The following PEX5L variants were observed in gnomAD, a reference collection of about 807,000 sequenced individuals.
The protein encoded by PEX5L is peroxisomal biogenesis factor 5 like, also known as PEX5-related protein.
PEX5L carries 30 observed loss-of-function variants against 84.0 expected under a neutral mutation model. The ratio of observed to expected loss-of-function variants is 0.36; its 90% CI spans 0.27 to 0.48. The LOEUF (loss-of-function observed/expected upper bound fraction) is 0.48, where lower values mean the gene tolerates loss of function less well. Among genes scored for constraint, PEX5L ranks in the 20% least tolerant of loss-of-function variants. The pLI, the probability that PEX5L is intolerant of heterozygous loss-of-function variation, is 0.99. For missense variants in PEX5L, 533 were observed against 754.6 expected, an observed-to-expected ratio of 0.71 and a Z score of 3.44; for synonymous variants, 270 against 283.1, an observed-to-expected ratio of 0.95 and a Z score of 0.46.
intron 14 of PEX5L, among the ~76,000 whole-genome samples, chr3:179,803,062 T>A (rs972580778): frequency 6.6e-6 from 1 of 152,218 alleles, no homozygotes; most frequent in Non-Finnish European, 1.5e-5. Context: ...AAAGCTAATA[T>A]GTTATTTGAT....
intron 2 of PEX5L, among the ~76,000 whole-genome samples, chr3:179,915,203 C>CA (rs1766604926): frequency 6.6e-6 from 1 of 152,074 alleles, no homozygotes; most frequent in African/African-American, 2.4e-5. Context: ...TAAAAATCCA[C>CA]AAAAAACTTT....
At chr3:180,001,958 G>A (rs1788460893) in intron 1 of PEX5L, among the ~76,000 whole-genome samples, 1 of 152,054 alleles carries the variant, frequency 6.6e-6, no homozygotes, top group South Asian at 2.1e-4. Flanking sequence ...GTTAGCTGGG[G>A]TTGTCGTTAT....
In PEX5L at chr3:179,795,065, T is replaced by C. The variant is rs1694872893; in HGVS notation, c.*6763A>G. On this transcript the variant is annotated 3_prime_UTR_variant, in exon 15 of 15. Transcript: ENST00000467460. ...AAGGAGGAAGATTTTTAAAGTTTTGTTTTATATCCAAAAATGCATTCCTGA... is the reference window on the plus strand; with the variant it reads ...AAGGAGGAAGATTTTTAAAGTTTTGCTTTATATCCAAAAATGCATTCCTGA... The C allele has an allele frequency of 1.3e-5, 2 of 152,330 alleles. No individual in the cohort carries two copies. The highest frequency in any genetic ancestry group is 2.9e-5 in the Non-Finnish European group (2 of 68,022). The allele number at this position is 152,330 out of a possible 1,614,324, so 9.4% of individuals were successfully genotyped here.
chr3:179,997,120 C>G (rs973326321), intron 1 of PEX5L, among the ~76,000 whole-genome samples: 1 of 152,172 alleles, frequency 6.6e-6, no homozygotes, highest in African/African-American at 2.4e-5. Context: ...ACATCACCAA[C>G]AATTTATGCT....
At chr3:179,918,064 G>A (rs186176886) in intron 2 of PEX5L, among the ~76,000 whole-genome samples, 53 of 152,318 alleles carry the variant, frequency 3.5e-4, no homozygotes, top group African/African-American at 1.3e-3. Context: ...GACACAGAGA[G>A]GTTACCTGGG....
Position 179,986,551 on chromosome 3 carries a change from C to T in PEX5L, c.22-14886G>A, listed in dbSNP as rs888479979. ...CCGAGTAGCTGGGACTACAGGCGCC[C>T]GCCACCACGCCCGGCTAATTTTTTG... On this transcript the variant is annotated intron_variant, in intron 1 of 14. Coordinates refer to ENST00000467460, the MANE Select transcript of PEX5L (RefSeq NM_016559.3). 3.3e-5 allele frequency among the ~76,000 whole-genome samples: 5 copies of T among 151,840 alleles called. No homozygotes were observed. The East Asian group carries it at 5.8e-4, about 18-fold the overall frequency.
intron 1 of PEX5L, among the ~76,000 whole-genome samples, chr3:180,028,975 C>T (rs914647447): frequency 8.5e-5 from 13 of 152,236 alleles, no homozygotes; most frequent in Non-Finnish European, 1.8e-4. Context: ...TTTAGGCTGT[C>T]TGAATAGGTA....
chr3:179,976,421 A>G (rs1785793415), intron 1 of PEX5L, among the ~76,000 whole-genome samples: 1 of 152,036 alleles, frequency 6.6e-6, no homozygotes, highest in African/African-American at 2.4e-5. Flanking sequence ...TCCCTTAGGA[A>G]ATCTTTCTTT....
chr3:179,875,349 C>T lies in PEX5L; in HGVS notation c.629+5G>A. 6.2e-7 allele frequency: 1 copy of T among 1,613,794 alleles called. No homozygotes were observed. Among genetic ancestry groups the T allele is most frequent in the Non-Finnish European group, 8.5e-7 (1 of 1,179,784 alleles). On this transcript the variant is annotated splice_donor_5th_base_variant and intron_variant, in intron 6 of 14. Transcript: ENST00000467460. The stretch of plus-strand genomic sequence containing the variant: ...TGGCCGTTTTCTGGTATTAAAATAC[C>T]TTACCATAAGAGCTCTTTTGATCCA...
intron 11 of PEX5L, among the ~76,000 whole-genome samples, 200 bp downstream of exon 11, chr3:179,811,601 T>C (rs1217018194): frequency 6.6e-6 from 1 of 152,222 alleles, no homozygotes; most frequent in Non-Finnish European, 1.5e-5. Context: ...GATTTGTAGA[T>C]AGTAAGACAT....
intron 1 of PEX5L, among the ~76,000 whole-genome samples, chr3:180,031,971 A>C (rs1791505743): frequency 6.6e-6 from 1 of 152,258 alleles, no homozygotes; most frequent in African/African-American, 2.4e-5. Flanking sequence ...CCACAAATAA[A>C]ATCTACAAAG....
intron 2 of PEX5L, among the ~76,000 whole-genome samples, chr3:179,937,302 CA>C (rs1774872463): frequency 6.6e-6 from 1 of 151,988 alleles, no homozygotes; most frequent in Non-Finnish European, 1.5e-5. Flanking sequence ...TTAGTTGTAA[CA>C]AATGTACCAC....
At chr3:179,811,437 T>G (rs1328888054) in intron 11 of PEX5L, among the ~76,000 whole-genome samples, 1 of 152,152 alleles carries the variant, frequency 6.6e-6, no homozygotes, top group East Asian at 1.9e-4. Flanking sequence ...TCCAACGTCA[T>G]CCAGACCATT....
chr3:180,036,458 G>T, intron 1 of PEX5L, 121 bp downstream of exon 1: 1 of 946,012 alleles, frequency 1.1e-6, no homozygotes, highest in Non-Finnish European at 1.7e-6. Context: ...TCACGGTCAT[G>T]TTGCATCACT....
At chr3:179,945,861 G>A (rs891494735) in intron 2 of PEX5L, among the ~76,000 whole-genome samples, 1 of 152,038 alleles carries the variant, frequency 6.6e-6, no homozygotes, top group Non-Finnish European at 1.5e-5. Flanking sequence ...TCTCCCACTC[G>A]AGGTCACGCA....
chr3:179,860,617 C>T (rs781181378), intron 7 of PEX5L, among the ~76,000 whole-genome samples: 2 of 152,252 alleles, frequency 1.3e-5, no homozygotes, highest in Non-Finnish European at 2.9e-5. Context: ...CTCCAGATAG[C>T]TCAGCTGCTC....
intron 4 of PEX5L, among the ~76,000 whole-genome samples, chr3:179,884,647 A>G (rs1347509050): frequency 2.0e-5 from 3 of 152,246 alleles, no homozygotes; most frequent in Non-Finnish European, 4.4e-5. Context: ...TACAGGATAC[A>G]GGTCTCATCT....
At position 179,869,858 on chromosome 3, in the gene PEX5L, C is replaced by T. The variant is rs181477045; in HGVS notation, c.726+4469G>A. ...ATAACACATGGTAAAGATCAGCCTTCCCAATATGGCTTTTGTTATATATAG... is the reference window on the plus strand; with the variant it reads ...ATAACACATGGTAAAGATCAGCCTTTCCAATATGGCTTTTGTTATATATAG... On this transcript the variant is annotated intron_variant, in intron 7 of 14. Transcript: ENST00000467460. Among the ~76,000 whole-genome samples, 747 of 152,318 alleles carry T rather than the reference C, an allele frequency of 4.9e-3. 4 individuals are homozygous for T. Among genetic ancestry groups the T allele is most frequent in the South Asian group, 8.9e-3 (43 of 4,826 alleles).
At chr3:179,867,077 C>G (rs2108621897) in intron 7 of PEX5L, among the ~76,000 whole-genome samples, 1 of 144,058 alleles carries the variant, frequency 6.9e-6, no homozygotes, top group East Asian at 2.0e-4. Flanking sequence ...CACACAAAAA[C>G]TGTCCCTTGT....
Sources: allele counts gnomAD v4.1 joint callset (sites outside exome capture counted in the v4.1 genomes callset), GRCh38; gene constraint gnomAD v4.1.1; transcripts MANE v1.5; gene names NCBI Gene and HGNC (gene_info 2026-07-23, HGNC 2026-07-21).